The following APC variants were observed in gnomAD, a reference collection of about 807,000 sequenced individuals.
APC encodes APC regulator of Wnt signaling pathway.
In APC, 72 loss-of-function variants were observed where a neutral mutation model predicts 247.0. The observed-to-expected ratio is 0.29, with a 90% confidence interval of 0.24 to 0.35. The LOEUF (loss-of-function observed/expected upper bound fraction) is 0.35. Among genes scored for constraint, APC ranks in the 10% least tolerant of loss-of-function variants. The probability of loss-of-function intolerance (pLI) is 1.00; values close to 1 mark genes in which losing one functional copy is unlikely to be tolerated. For synonymous variants in APC, 1,254 were observed against 1,162.5 expected (o/e 1.08, Z -1.60); for missense variants, 3,400 against 3,360.7 (o/e 1.01, Z -0.29).
rs1234724375 is a variant in APC at position 112,844,472 on chromosome 5, CA to C, written c.*348del. 1 of 264,452 alleles carries C rather than the reference CA, an allele frequency of 3.8e-6. No individual in the cohort carries two copies. 16.4% of individuals were successfully genotyped at this position (264,452 alleles called of 1,614,324 possible). ...AGAAAATATGATATATTGCTGTTAT[CA>C]ATCATTTCTAGATTATAAACTGACT... is the stretch of plus-strand genomic sequence containing the variant. On this transcript the variant is annotated 3_prime_UTR_variant, in exon 16 of 16. Transcript: ENST00000257430.
At position 112,840,938 on chromosome 5, in the gene APC, A is replaced by C. The variant is rs772200566; in HGVS notation, c.5344A>C (p.Asn1782His). ...TTCACCAGTAAAACCTATACCACAAAATACTGAATATAGGACACGTGTAAG... is the reference window on the plus strand; with the variant it reads ...TTCACCAGTAAAACCTATACCACAACATACTGAATATAGGACACGTGTAAG... ...PTSPVKPIPQ[N>H]TEYRTRVRKN... The change falls in exon 16 of 16, where the codon AAT becomes CAT. Residue 1782 changes from asparagine (N) to histidine (H), a missense_variant. This residue lies in a region of APC where 1,788 missense variants were observed against 1,649.5 expected (regional missense o/e 1.08). Transcript: ENST00000257430. This position sits in a 1 kb window ranked among gnomAD's most constrained non-coding sequence, Gnocchi z 4.1. The C allele has an allele frequency of 3.1e-6, 5 of 1,613,714 alleles. No individual in the cohort carries two copies. The highest frequency in any genetic ancestry group is 2.2e-5 in the East Asian group (1 of 44,890).
At chr5:112,770,445 A>G (rs948388898) in intron 4 of APC, among the ~76,000 whole-genome samples, 5 of 152,132 alleles carry the variant, frequency 3.3e-5, no homozygotes, top group African/African-American at 1.2e-4. Flanking sequence ...TTCTGTTGTT[A>G]CTGTAGAAAA....
chr5:112,776,940 C>T (rs994760511), intron 5 of APC, among the ~76,000 whole-genome samples: 4 of 152,068 alleles, frequency 2.6e-5, no homozygotes, highest in African/African-American at 7.2e-5. Flanking sequence ...TTAAAATACA[C>T]TAGGATTTGT....
chr5:112,775,569 T>C, intron 4 of APC, 60 bp from the exon 5 acceptor site: 2 of 989,044 alleles, frequency 2.0e-6, no homozygotes, highest in Non-Finnish European at 3.2e-6. Context: ...TAAGTATTGC[T>C]CTTCTGCAGT....
In APC at chr5:112,837,567, A is replaced by T. The variant is rs777980327; in HGVS notation, c.1973A>T (p.Glu658Val). 3 of 1,612,710 alleles carry T rather than the reference A, an allele frequency of 1.9e-6. No homozygotes were observed. Among genetic ancestry groups the T allele is most frequent in the Non-Finnish European group, 2.5e-6 (3 of 1,178,876 alleles). ...TTTTATTTCAGGCAAATCCTAAGAG[A>T]GAACAACTGTCTACAAACTTTATTA... is the stretch of plus-strand genomic sequence containing the variant. Reference protein sequence around the residue: ...TNEDHRQILRENNCLQTLLQH... With the variant: ...TNEDHRQILRVNNCLQTLLQH... Residue 658 changes from glutamate (E) to valine (V), a missense_variant, in exon 16 of 16, where the codon GAG becomes GTG. By Grantham distance (121) the Glu-to-Val change is moderately radical (BLOSUM62 -2). Transcript: ENST00000257430.
intron 1 of APC, among the ~76,000 whole-genome samples, chr5:112,750,087 C>A (rs1350935167): frequency 6.6e-6 from 1 of 151,272 alleles, no homozygotes; most frequent in Admixed American, 6.6e-5. Flanking sequence ...CTCAGCCTCC[C>A]AAGTAGCTGA....
intron 1 of APC, among the ~76,000 whole-genome samples, chr5:112,744,287 G>A (rs1283264179): frequency 3.3e-5 from 5 of 152,110 alleles, no homozygotes; most frequent in Non-Finnish European, 7.4e-5. Context: ...AAGTCATCTT[G>A]GACATTCTCT....
At chr5:112,727,929 C>A (rs76301623) in intron 1 of APC, among the ~76,000 whole-genome samples, 6 of 150,700 alleles carry the variant, frequency 4.0e-5, no homozygotes, top group Admixed American at 4.0e-4. Flanking sequence ...AGCATAAAAC[C>A]TTGTTTTAAA....
At chr5:112,728,032 C>T (rs978990149) in intron 1 of APC, among the ~76,000 whole-genome samples, 3 of 151,740 alleles carry the variant, frequency 2.0e-5, no homozygotes, top group Admixed American at 2.0e-4. Context: ...TTGAATGCGG[C>T]CCAACACAAA....
intron 8 of APC, among the ~76,000 whole-genome samples, chr5:112,802,257 T>C: frequency 6.6e-6 from 1 of 152,138 alleles, no homozygotes. Flanking sequence ...TCTTATTAAG[T>C]ATTTAAATTT....
rs973491846 is a variant in APC at position 112,766,414 on chromosome 5, G to A, written c.220+4G>A. 5.0e-6 allele frequency: 8 copies of A among 1,602,066 alleles called. No individual in the cohort carries two copies. Among genetic ancestry groups the A allele is most frequent in the Middle Eastern group, 3.3e-4 (2 of 6,008 alleles). On this transcript the variant is annotated splice_donor_region_variant and intron_variant, in intron 3 of 15. Coordinates refer to ENST00000257430, the MANE Select transcript of APC (RefSeq NM_000038.6). ...GATTTATTAGAGCGTCTTAAAGGTA[G>A]ATTTTAAAAAGGTGTTTTAAAATAA...
At chr5:112,750,458 T>G (rs1243285047) in intron 1 of APC, among the ~76,000 whole-genome samples, 2 of 151,130 alleles carry the variant, frequency 1.3e-5, no homozygotes, top group Non-Finnish European at 3.0e-5. Flanking sequence ...GAGCATTCTT[T>G]TTTTTTTTCT....
At chr5:112,784,868 C>T (rs1580395406) in intron 6 of APC, among the ~76,000 whole-genome samples, 1 of 152,106 alleles carries the variant, frequency 6.6e-6, no homozygotes, top group Non-Finnish European at 1.5e-5. Context: ...TAGCTCAGGC[C>T]TGTAATCCCA....
intron 8 of APC, among the ~76,000 whole-genome samples, chr5:112,805,657 C>G (rs1425953579): frequency 6.6e-6 from 1 of 152,168 alleles, no homozygotes; most frequent in Non-Finnish European, 1.5e-5. Context: ...TAAATAGGAT[C>G]TATACACATG....
intron 2 of APC, among the ~76,000 whole-genome samples, chr5:112,758,325 TTTTTTG>T: frequency 6.6e-6 from 1 of 152,150 alleles, no homozygotes; most frequent in South Asian, 2.1e-4. Context: ...TTGTTTTTTG[TTTTTTG>T]TTTTTTGTTT....
chr5:112,820,614 C>G (rs1351376458), intron 10 of APC, among the ~76,000 whole-genome samples: 1 of 152,174 alleles, frequency 6.6e-6, no homozygotes, highest in Non-Finnish European at 1.5e-5. Flanking sequence ...TGGCTATCCA[C>G]AGTTACGTAA....
chr5:112,734,051 T>C (rs1752235336), upstream of APC, among the ~76,000 whole-genome samples: 1 of 152,194 alleles, frequency 6.6e-6, no homozygotes, highest in Admixed American at 6.5e-5. Context: ...CTCCCAGTCC[T>C]GTGTGGCTGC....
At position 112,819,237 on chromosome 5, in the gene APC, G is replaced by A. The variant is rs878853416; in HGVS notation, c.1205G>A (p.Arg402His). 1.9e-6 allele frequency: 3 copies of A among 1,613,908 alleles called. No homozygotes were observed. The highest frequency in any genetic ancestry group is 2.5e-6 in the Non-Finnish European group (3 of 1,179,924). ...HSQPDDKRGRREIRVLHLLEQ... is the reference protein window; with the variant it reads ...HSQPDDKRGRHEIRVLHLLEQ... Reference sequence around the variant, plus strand: ...CAGCCTGATGACAAGAGAGGCAGGCGTGAAATCCGAGTCCTTCATCTTTTG... The same window carrying A: ...CAGCCTGATGACAAGAGAGGCAGGCATGAAATCCGAGTCCTTCATCTTTTG... The change falls in exon 10 of 16, where the codon CGT (arginine) becomes CAT (histidine). Residue 402 changes from arginine (R) to histidine (H), a missense_variant. Arg to His is a conservative substitution (Grantham distance 29). Transcript: ENST00000257430.
At chr5:112,759,358 T>TTCTTTC (rs1466362201) in intron 2 of APC, among the ~76,000 whole-genome samples, 4 of 141,406 alleles carry the variant, frequency 2.8e-5, no homozygotes, top group African/African-American at 1.1e-4. Flanking sequence ...CTTTCTTTCT[T>TTCTTTC]TTTTTTTTTT....
Sources: allele counts gnomAD v4.1 joint callset (sites outside exome capture counted in the v4.1 genomes callset), GRCh38; gene constraint gnomAD v4.1.1; regional missense constraint gnomAD v4.1.1; non-coding constraint Gnocchi (gnomAD v3.1); transcripts MANE v1.5; gene names NCBI Gene and HGNC (gene_info 2026-07-23, HGNC 2026-07-21).